The following ALDH1L1 variants were observed in gnomAD, a reference collection of about 807,000 sequenced individuals.
The protein encoded by ALDH1L1 is cytosolic 10-formyltetrahydrofolate dehydrogenase.
In ALDH1L1, 68 loss-of-function variants were observed where a neutral mutation model predicts 101.1. The ratio of observed to expected loss-of-function variants is 0.67; its 90% confidence interval spans 0.55 to 0.82. The LOEUF (loss-of-function observed/expected upper bound fraction) is 0.82. ALDH1L1 is among the 40% of genes least tolerant of loss of function. The pLI, the probability that ALDH1L1 is intolerant of heterozygous loss-of-function variation, is 0.00. For missense variants in ALDH1L1, 1,087 were observed against 1,172.7 expected (o/e 0.93, Z 1.07); for synonymous variants, 486 against 470.8 (o/e 1.03, Z -0.42).
intron 9 of ALDH1L1, among the ~76,000 whole-genome samples, chr3:126,143,499 C>T (rs1481266552): frequency 1.3e-5 from 2 of 152,178 alleles, no homozygotes; most frequent in Non-Finnish European, 2.9e-5. Context: ...CCATGATTGA[C>T]CATGGGTAAC....
At chr3:126,107,272 C>A (rs747192112) in intron 20 of ALDH1L1, 26 bp from the exon 21 acceptor site, 20 of 1,588,016 alleles carry the variant, frequency 1.3e-5, no homozygotes, top group South Asian at 2.2e-5. Context: ...AAGCCCGTTG[C>A]ACATGGGAGA....
intron 1 of ALDH1L1, among the ~76,000 whole-genome samples, chr3:126,165,569 G>C (rs2081149955): frequency 6.6e-6 from 1 of 152,118 alleles, no homozygotes; most frequent in Non-Finnish European, 1.5e-5. Context: ...TCCTTGGTTG[G>C]TAGTTGTTTT....
intron 1 of ALDH1L1, among the ~76,000 whole-genome samples, chr3:126,197,168 T>C (rs1478617702): frequency 1.3e-5 from 2 of 152,206 alleles, no homozygotes; most frequent in Non-Finnish European, 2.9e-5. Flanking sequence ...TGCACTCTAG[T>C]GTATTTGTTG....
At chr3:126,112,519 A>G (rs568272587) in intron 19 of ALDH1L1, among the ~76,000 whole-genome samples, 2 of 152,042 alleles carry the variant, frequency 1.3e-5, no homozygotes, top group Non-Finnish European at 2.9e-5. Flanking sequence ...CCCAGGCTCT[A>G]TTTCTAGGGG....
intron 9 of ALDH1L1, among the ~76,000 whole-genome samples, chr3:126,138,971 T>G (rs1576448268): frequency 1.3e-5 from 2 of 152,340 alleles, no homozygotes; most frequent in South Asian, 4.1e-4. Flanking sequence ...ATTTAAATGA[T>G]TTTCAGCCTC....
chr3:126,148,122 T>C (rs2080734348), intron 8 of ALDH1L1, among the ~76,000 whole-genome samples: 1 of 152,194 alleles, frequency 6.6e-6, no homozygotes. Flanking sequence ...TCCAGGGCCC[T>C]TATCAGATGA....
At chr3:126,124,102 G>A (rs2080130753) in intron 16 of ALDH1L1, among the ~76,000 whole-genome samples, 1 of 136,530 alleles carries the variant, frequency 7.3e-6, no homozygotes, top group Admixed American at 7.3e-5. Context: ...TTTATTCCAG[G>A]GCGCGCGGAC....
Position 126,136,871 on chromosome 3 carries a change from C to T in ALDH1L1, c.1237G>A (p.Val413Met). 1 of 1,613,608 alleles carries T rather than the reference C, an allele frequency of 6.2e-7. No individual in the cohort carries two copies. Among genetic ancestry groups the T allele is most frequent in the Non-Finnish European group, 8.5e-7 (1 of 1,179,834 alleles). The change falls in exon 11 of 23, where the codon GTG (valine) becomes ATG (methionine). Residue 413 changes from valine (V) to methionine (M), a missense_variant. By Grantham distance (21) the Val-to-Met change is conservative. Coordinates refer to ENST00000393434, the MANE Select transcript of ALDH1L1 (RefSeq NM_012190.4). ...ECSIDYVEMAVNKRTVRMPHQ... is the reference protein window; with the variant it reads ...ECSIDYVEMAMNKRTVRMPHQ... ...GGCATGCGGACAGTGCGCTTGTTCA[C>T]TGCCATTTCCACCTGAAAGAAAGGC... is the stretch of plus-strand genomic sequence containing the variant.
At chr3:126,187,944 G>GA (rs147254699) in intron 1 of ALDH1L1, among the ~76,000 whole-genome samples, 2,264 of 151,316 alleles carry the variant, frequency 0.015, 57 homozygotes, top group African/African-American at 0.05. Flanking sequence ...TATTTGAGAA[G>GA]AAAAAAAAAG....
intron 1 of ALDH1L1, among the ~76,000 whole-genome samples, chr3:126,196,530 T>C (rs1243980609): frequency 1.3e-5 from 2 of 152,210 alleles, no homozygotes; most frequent in Non-Finnish European, 2.9e-5. Flanking sequence ...AAATTTCTTA[T>C]TACCTGACTT....
intron 3 of ALDH1L1, among the ~76,000 whole-genome samples, 158 bp downstream of exon 3, chr3:126,158,247 G>A (rs145015278): frequency 9.7e-4 from 147 of 152,304 alleles, no homozygotes; most frequent in African/African-American, 3.4e-3. Flanking sequence ...ACGTTGCACA[G>A]CCTGTTCTGT....
chr3:126,130,990 C>T (rs1335462710), intron 13 of ALDH1L1, among the ~76,000 whole-genome samples: 5 of 152,232 alleles, frequency 3.3e-5, no homozygotes, highest in African/African-American at 7.2e-5. Context: ...ATCCCAAGCC[C>T]GAGAGTGACC....
At chr3:126,134,228 G>A (rs936113938) in intron 12 of ALDH1L1, among the ~76,000 whole-genome samples, 6 of 152,198 alleles carry the variant, frequency 3.9e-5, no homozygotes, top group African/African-American at 1.4e-4. Flanking sequence ...CACGGGGCCT[G>A]AGAGTTTGCA....
At chr3:126,118,210 T>C in intron 16 of ALDH1L1, 112 bp from the exon 17 acceptor site, 1 of 811,998 alleles carries the variant, frequency 1.2e-6, no homozygotes, top group Non-Finnish European at 2.0e-6. Flanking sequence ...CTCAAAATGC[T>C]CCCCACATGC....
intron 1 of ALDH1L1, among the ~76,000 whole-genome samples, chr3:126,167,585 T>A (rs1330590818): frequency 2.6e-5 from 4 of 151,962 alleles, no homozygotes; most frequent in Non-Finnish European, 5.9e-5. Context: ...AGCAAAAATA[T>A]CCTCAGTGGC....
intron 9 of ALDH1L1, among the ~76,000 whole-genome samples, 161 bp downstream of exon 9, chr3:126,146,674 C>G (rs1251907964): frequency 1.3e-5 from 2 of 152,172 alleles, no homozygotes; most frequent in East Asian, 3.8e-4. Context: ...TTGTGCTGCC[C>G]ACCATGTGTG....
intron 22 of ALDH1L1, chr3:126,105,300 T>C: frequency 6.7e-6 from 2 of 300,714 alleles, no homozygotes; most frequent in Non-Finnish European, 1.3e-5. Flanking sequence ...TCCCTCCTGC[T>C]CCCCCTTGGC....
At chr3:126,110,265 C>T in intron 19 of ALDH1L1, 156 bp from the exon 20 acceptor site, 1 of 984,700 alleles carries the variant, frequency 1.0e-6, no homozygotes, top group Non-Finnish European at 1.5e-6. Flanking sequence ...ATCCACCTTC[C>T]AGGCTGAAAT....
intron 22 of ALDH1L1, 92 bp from the exon 23 acceptor site, chr3:126,103,938 G>A: frequency 7.0e-7 from 1 of 1,427,726 alleles, no homozygotes; most frequent in Non-Finnish European, 9.6e-7. Flanking sequence ...AACCACGTGG[G>A]GGCAGCTCTG....
Sources: allele counts gnomAD v4.1 joint callset (sites outside exome capture counted in the v4.1 genomes callset), GRCh38; gene constraint gnomAD v4.1.1; transcripts MANE v1.5; gene names NCBI Gene and HGNC (gene_info 2026-07-23, HGNC 2026-07-21).